Variants in DAB2IP observed in about 807,000 individuals in gnomAD.
The protein encoded by DAB2IP is disabled homolog 2-interacting protein.
In DAB2IP, 28 loss-of-function variants were observed where a neutral mutation model predicts 107.2. The ratio of observed to expected loss-of-function variants is 0.26; its 90% CI spans 0.19 to 0.36. The LOEUF is 0.36. Ranked by LOEUF, DAB2IP falls within the 10% of genes least tolerant of loss-of-function variation. The pLI is 1.00. For missense variants in DAB2IP, 1,400 were observed against 1,644.7 expected, an observed-to-expected ratio of 0.85 and a Z score of 2.57; for synonymous variants, 755 against 706.4, an observed-to-expected ratio of 1.07 and a Z score of -1.09.
At chr9:121,754,881 G>C (rs1215326246) in intron 3 of DAB2IP, among the ~76,000 whole-genome samples, 7 of 152,154 alleles carry the variant, frequency 4.6e-5, no homozygotes, top group South Asian at 2.1e-4. Flanking sequence ...CAGCTCACCA[G>C]CTCCCCGCTC....
At position 121,666,207 on chromosome 9, in the gene DAB2IP, G is replaced by C. The variant is rs965799753; in HGVS notation, c.125-12471G>C. Among the ~76,000 whole-genome samples the C allele has an allele frequency of 2.2e-4, 34 of 152,090 alleles. 1 individual carries two copies. The highest frequency in any genetic ancestry group is 8.0e-4 in the African/African-American group (33 of 41,404). ...CTTCCATCATCGCATTGCTTTCTCT[G>C]ACCTGCCTATCTCCTTCTTGTAAAG... is the stretch of plus-strand genomic sequence containing the variant. On this transcript the variant is annotated intron_variant, in intron 1 of 15. Coordinates refer to ENST00000408936, the Ensembl canonical transcript of DAB2IP.
chr9:121,604,131 C>T (rs1046594835), intron 1 of DAB2IP, among the ~76,000 whole-genome samples: 5 of 151,878 alleles, frequency 3.3e-5, no homozygotes, highest in Admixed American at 3.3e-4. Context: ...CAAGGGGGAG[C>T]GTGGGGGCAC....
rs1349160662 is a variant in DAB2IP, at chr9:121,698,010, C to T, written c.229-1315C>T. Among the ~76,000 whole-genome samples, 21 of 152,180 alleles carry T rather than the reference C, an allele frequency of 1.4e-4. No individual in the cohort carries two copies. Among genetic ancestry groups the T allele is most frequent in the Non-Finnish European group, 4.4e-5 (3 of 68,022 alleles). On this transcript the variant is annotated intron_variant, in intron 2 of 15. Coordinates refer to ENST00000408936, the Ensembl canonical transcript of DAB2IP. The surrounding 1 kb of genome is among the most constrained non-coding windows in gnomAD (Gnocchi z 4.1). ...GGTGACATGAGATGACTTGTACAGC[C>T]CATGTTTGACCTTGTCATGTTGAAG... is the stretch of plus-strand genomic sequence containing the variant.
At chr9:121,587,908 A>G (rs1265448421) in intron 1 of DAB2IP, among the ~76,000 whole-genome samples, 2 of 152,342 alleles carry the variant, frequency 1.3e-5, no homozygotes, top group East Asian at 3.9e-4. Context: ...TTCATTGTTT[A>G]TATACAATTT....
At chr9:121,652,598 T>C (rs112613258) in intron 1 of DAB2IP, among the ~76,000 whole-genome samples, 3 of 152,024 alleles carry the variant, frequency 2.0e-5, no homozygotes, top group African/African-American at 7.2e-5. Flanking sequence ...TCAAAGGGGC[T>C]CTGGGGAGGC....
chr9:121,676,635 G>GCACACACACACACACACACACACACA (rs35324441), intron 1 of DAB2IP, among the ~76,000 whole-genome samples: 6 of 150,544 alleles, frequency 4.0e-5, no homozygotes, highest in South Asian at 2.1e-4. Context: ...TTCTGCAGAC[G>GCACACACACACACACACACACACACA]CACACACACA....
At chr9:121,688,375 G>C (rs574868123) in intron 2 of DAB2IP, among the ~76,000 whole-genome samples, 1 of 152,318 alleles carries the variant, frequency 6.6e-6, no homozygotes, top group East Asian at 1.9e-4. Flanking sequence ...ATTGCTTAAA[G>C]AACGTCTAAA....
intron 1 of DAB2IP, among the ~76,000 whole-genome samples, chr9:121,637,114 C>T (rs1832116787): frequency 6.6e-6 from 1 of 152,214 alleles, no homozygotes; most frequent in Non-Finnish European, 1.5e-5. Context: ...TAAGACTTTC[C>T]CCCAGGGAGC....
At chr9:121,642,864 T>C (rs1287307283) in intron 1 of DAB2IP, among the ~76,000 whole-genome samples, 1 of 152,010 alleles carries the variant, frequency 6.6e-6, no homozygotes, top group Non-Finnish European at 1.5e-5. Flanking sequence ...CATGGAGAGA[T>C]TGGGGCAAAG....
chr9:121,776,449 C>T lies in DAB2IP; in HGVS notation c.3314+58C>T. 6.9e-7 allele frequency: 1 copy of T among 1,453,044 alleles called. No individual in the cohort carries two copies. Among genetic ancestry groups the T allele is most frequent in the Non-Finnish European group, 9.1e-7 (1 of 1,099,900 alleles). 90.0% of individuals were successfully genotyped at this position (1,453,044 alleles called of 1,614,324 possible). On this transcript the variant is annotated intron_variant, in intron 14 of 15. Coordinates refer to ENST00000408936, the Ensembl canonical transcript of DAB2IP. The surrounding 1 kb of genome is among the most constrained non-coding windows in gnomAD (Gnocchi z 5.4). ...GCACAGGCAGGGCAGCCATCGCTGC[C>T]TTCGAGGAGGCCCCTGGTCGGGGAG...
intron 10 of DAB2IP, among the ~76,000 whole-genome samples, chr9:121,769,398 CCTT>C (rs765761808): frequency 7.2e-5 from 11 of 152,302 alleles, no homozygotes; most frequent in Non-Finnish European, 1.3e-4. Flanking sequence ...GAGCTCTTTT[CCTT>C]CTTCAGTTTG....
At chr9:121,666,097 G>A (rs1185483173) in intron 1 of DAB2IP, among the ~76,000 whole-genome samples, 1 of 152,196 alleles carries the variant, frequency 6.6e-6, no homozygotes, top group Admixed American at 6.5e-5. Flanking sequence ...TGAGGCTCTG[G>A]AGAAGAATCC....
intron 3 of DAB2IP, among the ~76,000 whole-genome samples, chr9:121,746,231 G>T (rs934078120): frequency 6.6e-6 from 1 of 152,172 alleles, no homozygotes; most frequent in Non-Finnish European, 1.5e-5. Context: ...GGCAGTCTCA[G>T]CCCAGCCTGG....
chr9:121,725,451 T>C (rs912447580), intron 3 of DAB2IP, among the ~76,000 whole-genome samples: 1 of 152,186 alleles, frequency 6.6e-6, no homozygotes, highest in Non-Finnish European at 1.5e-5. Flanking sequence ...TTGGCCTCTT[T>C]GACCCTGGGG....
intron 1 of DAB2IP, among the ~76,000 whole-genome samples, chr9:121,642,340 A>G (rs1463329600): frequency 6.6e-6 from 1 of 151,574 alleles, no homozygotes; most frequent in Non-Finnish European, 1.5e-5. Flanking sequence ...TCCCGGGCTC[A>G]AGCAATTCTC....
intron 1 of DAB2IP, among the ~76,000 whole-genome samples, chr9:121,636,013 C>G (rs939489422): frequency 6.6e-6 from 1 of 152,198 alleles, no homozygotes; most frequent in African/African-American, 2.4e-5. Context: ...AAGTGATTCT[C>G]GTGTCTCAGC....
chr9:121,784,461 CT>C (rs1835867054), exon 16 of DAB2IP: 2 of 153,158 alleles, frequency 1.3e-5, no homozygotes, highest in African/African-American at 4.8e-5. Context: ...GGCTCGGAGG[CT>C]ACCCGCTGTG....
rs114980988 is a variant in DAB2IP at position 121,737,160 on chromosome 9, T to C, written c.363-19853T>C. The C allele has an allele frequency of 2.8e-3, 2,611 of 932,516 alleles. 35 individuals carry two copies. The African/African-American group carries it at 0.043, about 15-fold the overall frequency. The allele number at this position is 932,516 out of a possible 1,614,324, so 57.8% of individuals were successfully genotyped here. The stretch of plus-strand genomic sequence containing the variant: ...AGCCTGTAGGGACGGCTCCTCCCTC[T>C]TTCTTGACCCAGACCTCTGTGCTCT... On this transcript the variant is annotated intron_variant, in intron 3 of 15. Coordinates refer to ENST00000408936, the Ensembl canonical transcript of DAB2IP.
chr9:121,782,715 G>A lies in DAB2IP; in HGVS notation c.*217G>A, dbSNP rs1835751757. The A allele has an allele frequency of 1.7e-5, 24 of 1,409,300 alleles. No individual in the cohort carries two copies. Among genetic ancestry groups the A allele is most frequent in the Admixed American group, 1.5e-4 (5 of 34,118 alleles). 87.3% of individuals were successfully genotyped at this position (1,409,300 alleles called of 1,614,324 possible). On this transcript the variant is annotated 3_prime_UTR_variant, in exon 16 of 16. Transcript: ENST00000408936. This position sits in a 1 kb window ranked among gnomAD's most constrained non-coding sequence, Gnocchi z 6.1. ...GGTCACCAGCCGCTCCCTGTGGGGT[G>A]CGGGCAGAAGAGACTGCACGCTGGG...
Sources: gnomAD v4.1 joint callset for allele counts (sites outside exome capture counted in the v4.1 genomes callset) on GRCh38, gnomAD v4.1.1 for gene constraint, Gnocchi (gnomAD v3.1) non-coding constraint, MANE v1.5 for transcripts, NCBI Gene and HGNC (gene_info 2026-07-23, HGNC 2026-07-21) for gene names.